The following MMS19 variants were observed in gnomAD, a reference collection of about 807,000 sequenced individuals.
The protein encoded by MMS19 is MMS19 nucleotide excision repair protein homolog.
A neutral mutation model predicts 129.8 loss-of-function variants in MMS19; 77 were observed. That is an observed-to-expected ratio of 0.59 (90% CI 0.49 to 0.72). MMS19 has a LOEUF of 0.72. Ranked by LOEUF, MMS19 falls within the 30% of genes least tolerant of loss-of-function variation. The pLI, the probability that MMS19 is intolerant of heterozygous loss-of-function variation, is 0.00. For synonymous variants in MMS19, 491 were observed against 502.8 expected, an observed-to-expected ratio of 0.98 and a Z score of 0.31; for missense variants, 1,168 against 1,266.3, an observed-to-expected ratio of 0.92 and a Z score of 1.18.
At position 97,478,310 on chromosome 10, in the gene MMS19, C is replaced by T; in HGVS notation, c.342G>A (p.Lys114=). Residue 114 remains lysine (K), a synonymous_variant, in exon 4 of 31, where the codon AAG becomes AAA. Transcript: ENST00000438925. ...GAAATGAAGGAAAACTCACAAGTGC[C>T]TTCAAACCCTGCAGGACAGATGGGA... is the stretch of plus-strand genomic sequence containing the variant. ...LVIPSVLQGL[K]ALSLCVALPP... 1 of 1,597,178 alleles carries T rather than the reference C, an allele frequency of 6.3e-7. No homozygotes were observed. The highest frequency in any genetic ancestry group is 8.5e-7 in the Non-Finnish European group (1 of 1,171,822).
intron 1 of MMS19, among the ~76,000 whole-genome samples, chr10:97,493,176 A>AT (rs1413368749): frequency 1.3e-5 from 2 of 151,940 alleles, no homozygotes; most frequent in African/African-American, 4.8e-5. Context: ...TGCTGGGCTG[A>AT]TTTTTAAAGA....
Position 97,466,592 on chromosome 10 carries a change from T to G in MMS19, c.1424-7A>C. The G allele has an allele frequency of 6.2e-7, 1 of 1,610,610 alleles. No homozygotes were observed. ...TCCTCATAAGATAGGAGATCTGTAG[T>G]TAGAAGGGAACATGAATCTCATCTT... On this transcript the variant is annotated splice_polypyrimidine_tract_variant and splice_region_variant and intron_variant, in intron 15 of 30. Transcript: ENST00000438925.
intron 1 of MMS19, among the ~76,000 whole-genome samples, chr10:97,497,263 T>C (rs994482674): frequency 1.1e-4 from 16 of 152,198 alleles, no homozygotes; most frequent in African/African-American, 3.9e-4. Context: ...ATAATATGTA[T>C]TCAACAATAG....
intron 1 of MMS19, among the ~76,000 whole-genome samples, chr10:97,487,837 C>G (rs185408502): frequency 1.3e-5 from 2 of 152,236 alleles, no homozygotes; most frequent in African/African-American, 4.8e-5. Context: ...CAAAAACAGG[C>G]TGGGCACAGT....
intron 1 of MMS19, among the ~76,000 whole-genome samples, chr10:97,492,836 G>A (rs1348888324): frequency 7.0e-6 from 1 of 143,276 alleles, no homozygotes; most frequent in Admixed American, 7.1e-5. Context: ...ACCAGCCTGG[G>A]CAACAGAGCA....
chr10:97,462,023 T>C lies in MMS19; in HGVS notation c.2109A>G (p.Pro703=). The change falls in exon 21 of 31, where the codon CCA becomes CCG. Residue 703 remains proline (P), a synonymous_variant. Transcript: ENST00000438925. ...TAAGTTCTAAGACTGTTACCTGGAA[T>C]GGCTGGAATCTGCTCGGGAAGCTGT... ...PENSFPSRFQ[P]FQDGSSGQRR... The C allele has an allele frequency of 6.3e-7, 1 of 1,589,116 alleles. No homozygotes were observed. The highest frequency in any genetic ancestry group is 8.6e-7 in the Non-Finnish European group (1 of 1,167,542).
chr10:97,482,563 G>T (rs532721911), intron 2 of MMS19, among the ~76,000 whole-genome samples: 1 of 152,128 alleles, frequency 6.6e-6, no homozygotes, highest in Admixed American at 6.5e-5. Flanking sequence ...AATGGGCATG[G>T]GTTTCTTTCT....
intron 1 of MMS19, among the ~76,000 whole-genome samples, chr10:97,487,626 G>C (rs1320750221): frequency 1.3e-5 from 2 of 151,946 alleles, no homozygotes; most frequent in Non-Finnish European, 2.9e-5. Context: ...GCCTAAATAT[G>C]AGAAAATTTC....
At chr10:97,492,136 TAAAAAAAAAAA>T (rs35108950) in intron 1 of MMS19, among the ~76,000 whole-genome samples, 5 of 98,262 alleles carry the variant, frequency 5.1e-5, no homozygotes, top group Non-Finnish European at 8.0e-5. Flanking sequence ...AAACTCAATC[TAAAAAAAAAAA>T]AAAAAAAAAG....
intron 18 of MMS19, among the ~76,000 whole-genome samples, 171 bp downstream of exon 18, chr10:97,465,634 C>A (rs910589661): frequency 6.6e-6 from 1 of 152,242 alleles, no homozygotes; most frequent in African/African-American, 2.4e-5. Flanking sequence ...TTGCCTAAGT[C>A]CCATCCCTCC....
rs1353637401 is a variant in MMS19, at chr10:97,487,355, T to G, written c.113-3204A>C. ...TTTTTTTGAGACAGAATCTCGCTCT[T>G]TCGCCCAGGCCAGAGTGCGGTGGCG... On this transcript the variant is annotated intron_variant, in intron 1 of 30. Coordinates refer to ENST00000438925, the MANE Select transcript of MMS19 (RefSeq NM_022362.5). Among the ~76,000 whole-genome samples, 3 of 149,886 alleles carry G rather than the reference T, an allele frequency of 2.0e-5. No homozygotes were observed. The East Asian group carries it at 5.8e-4, about 29-fold the overall frequency.
chr10:97,482,127 G>C (rs1029548542), intron 2 of MMS19, among the ~76,000 whole-genome samples: 15 of 152,178 alleles, frequency 9.9e-5, no homozygotes, highest in Non-Finnish European at 2.1e-4. Flanking sequence ...AGTGGGCCAT[G>C]ATCGCTCCAC....
At chr10:97,461,152 C>T (rs1314158851) in intron 23 of MMS19, 145 bp from the exon 24 acceptor site, 5 of 679,790 alleles carry the variant, frequency 7.4e-6, no homozygotes, top group Admixed American at 2.9e-5. Flanking sequence ...AATGATTGGA[C>T]ACCTGCATAA....
chr10:97,476,007 A>G (rs74744175), intron 8 of MMS19, among the ~76,000 whole-genome samples: 1 of 152,334 alleles, frequency 6.6e-6, no homozygotes, highest in African/African-American at 2.4e-5. Flanking sequence ...GTGAGAGTCA[A>G]TATGCTGTTT....
chr10:97,459,192 C>T (rs1180237037), intron 29 of MMS19, 31 bp downstream of exon 29: 2 of 1,599,594 alleles, frequency 1.3e-6, no homozygotes, highest in Admixed American at 3.4e-5. Context: ...GAGATGTTCC[C>T]AGGCCAGGGA....
chr10:97,491,657 A>G (rs2038914409), intron 1 of MMS19, among the ~76,000 whole-genome samples: 1 of 152,212 alleles, frequency 6.6e-6, no homozygotes, highest in Non-Finnish European at 1.5e-5. Flanking sequence ...TCTCAAAGAA[A>G]AAAAAAGAAA....
intron 29 of MMS19, 49 bp downstream of exon 29, chr10:97,459,174 T>A: frequency 6.4e-7 from 1 of 1,566,612 alleles, no homozygotes; most frequent in Non-Finnish European, 8.7e-7. Flanking sequence ...GGTACTTATG[T>A]GTCTCTTGAG....
chr10:97,497,922 G>C (rs1269213884), intron 1 of MMS19, among the ~76,000 whole-genome samples: 1 of 152,174 alleles, frequency 6.6e-6, no homozygotes, highest in Admixed American at 6.5e-5. Flanking sequence ...CGTGGCGTGA[G>C]CACCCGGTTC....
intron 5 of MMS19, 144 bp from the exon 6 acceptor site, chr10:97,477,560 G>A (rs916662582): frequency 2.6e-6 from 3 of 1,167,188 alleles, no homozygotes; most frequent in Admixed American, 4.7e-5. Flanking sequence ...CAGAGAAAGG[G>A]TATGGATATT....
Sources: allele counts gnomAD v4.1 joint callset (sites outside exome capture counted in the v4.1 genomes callset), GRCh38; gene constraint gnomAD v4.1.1; transcripts MANE v1.5; gene names NCBI Gene and HGNC (gene_info 2026-07-23, HGNC 2026-07-21).